Variants in CCDC91 observed in about 807,000 individuals in gnomAD.
CCDC91 encodes the protein coiled-coil domain-containing protein 91.
In CCDC91, 48 loss-of-function variants were observed where a neutral mutation model predicts 63.2. That is an observed-to-expected ratio of 0.76 (90% CI 0.60 to 0.97). The LOEUF (loss-of-function observed/expected upper bound fraction) is 0.97, where lower values mean the gene tolerates loss of function less well. Ranked by LOEUF, CCDC91 falls within the 50% of genes least tolerant of loss-of-function variation. The pLI is 0.00. For synonymous variants in CCDC91, 167 were observed against 165.8 expected, an observed-to-expected ratio of 1.01 and a Z score of -0.06; for missense variants, 500 against 494.6, an observed-to-expected ratio of 1.01 and a Z score of -0.10.
At chr12:28,540,441 T>C (rs1322878808) in intron 12 of CCDC91, among the ~76,000 whole-genome samples, 3 of 152,182 alleles carry the variant, frequency 2.0e-5, no homozygotes, top group Non-Finnish European at 2.9e-5. Context: ...ATTAGTGTAA[T>C]GCAATGCAAG....
chr12:28,274,335 G>T (rs1592170258), intron 3 of CCDC91, among the ~76,000 whole-genome samples: 1 of 152,164 alleles, frequency 6.6e-6, no homozygotes, highest in East Asian at 1.9e-4. Flanking sequence ...CTCTTTTTTG[G>T]TTCCACATGA....
chr12:28,376,600 GA>G (rs1400887092), intron 7 of CCDC91, among the ~76,000 whole-genome samples: 1 of 151,702 alleles, frequency 6.6e-6, no homozygotes, highest in African/African-American at 2.4e-5. Context: ...GTCATACATG[GA>G]AAAAATACAG....
At chr12:28,420,979 C>T (rs1450825401) in intron 8 of CCDC91, among the ~76,000 whole-genome samples, 1 of 151,888 alleles carries the variant, frequency 6.6e-6, no homozygotes, top group East Asian at 1.9e-4. Flanking sequence ...GTAATTATAT[C>T]CATGTGTTAC....
chr12:28,482,363 C>G (rs1951493667), intron 11 of CCDC91, among the ~76,000 whole-genome samples: 1 of 151,732 alleles, frequency 6.6e-6, no homozygotes, highest in South Asian at 2.1e-4. Context: ...ACTTTGTACT[C>G]TATCAATGGA....
intron 8 of CCDC91, among the ~76,000 whole-genome samples, chr12:28,447,783 C>G (rs1352256690): frequency 5.7e-5 from 1 of 17,588 alleles, no homozygotes; most frequent in African/African-American, 2.4e-4. Context: ...CAGGGCAGGG[C>G]AGGGGAGGGG....
chr12:28,369,195 C>T (rs1477371320), intron 7 of CCDC91, among the ~76,000 whole-genome samples: 2 of 152,142 alleles, frequency 1.3e-5, no homozygotes, highest in East Asian at 3.9e-4. Flanking sequence ...GCCTATGAGC[C>T]TGTAAAATCA....
intron 7 of CCDC91, among the ~76,000 whole-genome samples, chr12:28,380,289 CT>C (rs1945217512): frequency 6.6e-6 from 1 of 151,784 alleles, no homozygotes; most frequent in Admixed American, 6.6e-5. Context: ...AAACCTGTAC[CT>C]TGTGCACATG....
chr12:28,311,204 TCCCAC>T (rs1414984761), intron 6 of CCDC91, among the ~76,000 whole-genome samples: 1 of 151,954 alleles, frequency 6.6e-6, no homozygotes, highest in African/African-American at 2.4e-5. Context: ...ATTTCAGGGC[TCCCAC>T]AGGCCTTAGC....
intron 12 of CCDC91, among the ~76,000 whole-genome samples, chr12:28,489,918 G>A (rs1395350973): frequency 6.6e-6 from 1 of 151,746 alleles, no homozygotes; most frequent in Non-Finnish European, 1.5e-5. Context: ...ATATTTCATG[G>A]TCCCTTACTT....
chr12:28,309,027 A>C (rs1939038045), intron 6 of CCDC91, among the ~76,000 whole-genome samples: 1 of 152,004 alleles, frequency 6.6e-6, no homozygotes, highest in Non-Finnish European at 1.5e-5. Flanking sequence ...GCTTTATAAT[A>C]AGGTATAGGT....
chr12:28,532,874 G>A (rs79659949), intron 12 of CCDC91, among the ~76,000 whole-genome samples: 3,903 of 152,050 alleles, frequency 0.026, 86 homozygotes, highest in South Asian at 0.11. Context: ...ATGATGTATT[G>A]TACCTCTAAC....
intron 3 of CCDC91, among the ~76,000 whole-genome samples, chr12:28,284,934 A>T (rs1197318054): frequency 6.6e-6 from 1 of 152,220 alleles, no homozygotes. Context: ...ACTATGTGAA[A>T]CATAACTCTC....
intron 1 of CCDC91, among the ~76,000 whole-genome samples, chr12:28,220,326 G>T (rs12315940): frequency 6.6e-6 from 1 of 151,688 alleles, no homozygotes; most frequent in East Asian, 1.9e-4. Context: ...TAACGTATTA[G>T]TCCACTTATC....
At chr12:28,376,388 A>T (rs1944948323) in intron 7 of CCDC91, among the ~76,000 whole-genome samples, 1 of 151,876 alleles carries the variant, frequency 6.6e-6, no homozygotes, top group African/African-American at 2.4e-5. Flanking sequence ...AAATGAGTGT[A>T]TGATGGACTG....
At chr12:28,540,089 G>A (rs1377398819) in intron 12 of CCDC91, among the ~76,000 whole-genome samples, 5 of 152,072 alleles carry the variant, frequency 3.3e-5, no homozygotes, top group Non-Finnish European at 7.4e-5. Context: ...AAGTAAGCAG[G>A]CAAAGATTGT....
chr12:28,486,737 T>C (rs1393561581), intron 12 of CCDC91, among the ~76,000 whole-genome samples: 1 of 152,074 alleles, frequency 6.6e-6, no homozygotes, highest in Non-Finnish European at 1.5e-5. Context: ...CAAATCATAC[T>C]AAAGGCCTAG....
At chr12:28,193,756 G>A (rs537664053) in intron 1 of CCDC91, among the ~76,000 whole-genome samples, 4 of 152,260 alleles carry the variant, frequency 2.6e-5, no homozygotes, top group South Asian at 2.1e-4. Flanking sequence ...TCTAATATGC[G>A]TTTAGTGAAA....
chr12:28,495,369 C>T (rs1468242171), intron 12 of CCDC91, among the ~76,000 whole-genome samples: 1 of 151,586 alleles, frequency 6.6e-6, no homozygotes. Context: ...TTTTTGGATG[C>T]CTATCAGTTT....
intron 1 of CCDC91, among the ~76,000 whole-genome samples, chr12:28,210,253 C>A (rs1374534998): frequency 6.6e-6 from 1 of 152,090 alleles, no homozygotes; most frequent in Non-Finnish European, 1.5e-5. Flanking sequence ...TAATTTAGAT[C>A]GTATATCTTT....
Sources: allele counts gnomAD v4.1 joint callset (sites outside exome capture counted in the v4.1 genomes callset), GRCh38; gene constraint gnomAD v4.1.1; transcripts MANE v1.5; gene names NCBI Gene and HGNC (gene_info 2026-07-23, HGNC 2026-07-21).